The following LIMCH1 variants were observed in gnomAD, a reference collection of about 807,000 sequenced individuals.
The protein encoded by LIMCH1 is LIM and calponin homology domains-containing protein 1.
In LIMCH1, 113 loss-of-function variants were observed where a neutral mutation model predicts 176.5. The ratio of observed to expected loss-of-function variants is 0.64; its 90% CI spans 0.55 to 0.75. The LOEUF (loss-of-function observed/expected upper bound fraction) is 0.75. Ranked by LOEUF, LIMCH1 falls within the 30% of genes least tolerant of loss-of-function variation. The pLI is 0.00. For synonymous variants in LIMCH1, 619 were observed against 645.9 expected (o/e 0.96, Z 0.63); for missense variants, 1,674 against 1,814.9 (o/e 0.92, Z 1.41).
At chr4:41,449,598 A>G (rs942756617) in intron 1 of LIMCH1, among the ~76,000 whole-genome samples, 10 of 152,106 alleles carry the variant, frequency 6.6e-5, no homozygotes, top group Admixed American at 5.9e-4. Context: ...ACTTTCCCGC[A>G]TGTCTTCCTA....
intron 1 of LIMCH1, among the ~76,000 whole-genome samples, chr4:41,405,129 A>G (rs1034795498): frequency 2.6e-5 from 4 of 152,164 alleles, no homozygotes; most frequent in Non-Finnish European, 5.9e-5. Flanking sequence ...TCTTTACCGT[A>G]CTATCCACAT....
chr4:41,596,061 AT>A (rs59345246), intron 1 of LIMCH1, among the ~76,000 whole-genome samples: 25,097 of 135,910 alleles, frequency 0.18, 3,066 homozygotes, highest in African/African-American at 0.32. Context: ...AAAAAAAAAA[AT>A]AAAAAAGTTC....
intron 1 of LIMCH1, among the ~76,000 whole-genome samples, chr4:41,553,126 GAGATCTCTCGCAGTGATGGGC>G (rs1200535670): frequency 5.3e-5 from 8 of 152,260 alleles, no homozygotes; most frequent in African/African-American, 1.7e-4. Flanking sequence ...TGGTCTCTGC[GAGATCTCTCGCAGTGATGGGC>G]AGCTGTCTGA....
chr4:41,496,439 C>T (rs2072157792), intron 2 of LIMCH1, among the ~76,000 whole-genome samples: 1 of 152,178 alleles, frequency 6.6e-6, no homozygotes, highest in Non-Finnish European at 1.5e-5. Context: ...ACATAGGAGG[C>T]CAGAGGCAAG....
intron 15 of LIMCH1, 114 bp from the exon 16 acceptor site, chr4:41,646,009 T>C: frequency 9.4e-7 from 1 of 1,060,510 alleles, no homozygotes; most frequent in Non-Finnish European, 1.4e-6. Context: ...GATGTTATAG[T>C]GCCTGGGCCC....
chr4:41,599,630 G>T (rs1485982176), intron 2 of LIMCH1, among the ~76,000 whole-genome samples: 1 of 152,206 alleles, frequency 6.6e-6, no homozygotes. Flanking sequence ...TGTGACCAGG[G>T]TATGAGATGG....
At chr4:41,624,317 A>G (rs1270290923) in intron 7 of LIMCH1, among the ~76,000 whole-genome samples, 1 of 152,018 alleles carries the variant, frequency 6.6e-6, no homozygotes, top group Non-Finnish European at 1.5e-5. Context: ...GTGGGGGCGT[A>G]AAAAAACCTC....
At chr4:41,694,260 A>G (rs960479924) in intron 31 of LIMCH1, among the ~76,000 whole-genome samples, 1 of 152,192 alleles carries the variant, frequency 6.6e-6, no homozygotes, top group African/African-American at 2.4e-5. Flanking sequence ...AAAGTTACAG[A>G]TGCTATAATG....
At chr4:41,461,857 G>T (rs1037689241) in intron 1 of LIMCH1, among the ~76,000 whole-genome samples, 5 of 152,162 alleles carry the variant, frequency 3.3e-5, no homozygotes, top group African/African-American at 1.2e-4. Flanking sequence ...AGAGAAAAAT[G>T]CTCAGACCTA....
At chr4:41,402,665 T>C (rs1446756508) in intron 1 of LIMCH1, among the ~76,000 whole-genome samples, 6 of 144,146 alleles carry the variant, frequency 4.2e-5, no homozygotes, top group Non-Finnish European at 9.0e-5. Context: ...GATGAGTTCA[T>C]GTCCTTTGTA....
chr4:41,513,872 G>T (rs899620131), intron 2 of LIMCH1, among the ~76,000 whole-genome samples: 12 of 147,716 alleles, frequency 8.1e-5, no homozygotes, highest in Non-Finnish European at 1.2e-4. Flanking sequence ...CAGGTGTGGT[G>T]GTGCATGCCT....
chr4:41,606,403 C>T (rs2090718312), intron 4 of LIMCH1, among the ~76,000 whole-genome samples: 1 of 152,142 alleles, frequency 6.6e-6, no homozygotes, highest in Non-Finnish European at 1.5e-5. Flanking sequence ...TTTGCTTACC[C>T]ACTGGGGCCT....
intron 1 of LIMCH1, among the ~76,000 whole-genome samples, chr4:41,444,158 G>A (rs1056693099): frequency 3.9e-5 from 6 of 152,120 alleles, no homozygotes; most frequent in Admixed American, 2.0e-4. Context: ...AAGATGTAGA[G>A]ACTCATTTGG....
chr4:41,685,747 C>A lies in LIMCH1; in HGVS notation c.4005C>A (p.His1335Gln), dbSNP rs149115624. Residue 1335 changes from histidine (H) to glutamine (Q), a missense_variant, in exon 28 of 32, where the codon CAC (histidine) becomes CAA (glutamine). By Grantham distance (24) the His-to-Gln change is conservative (BLOSUM62 0). Coordinates refer to ENST00000503057, the MANE Select transcript of LIMCH1 (RefSeq NM_001330672.2). ...ATCAGCAGACATCAAATCCAACGCA[C>A]AGTTCAGAAGATGTGAAGCCAAAAA... ...SQNQQTSNPT[H>Q]SSEDVKPKTL... 73 of 1,613,632 alleles carry A rather than the reference C, an allele frequency of 4.5e-5. 1 individual carries two copies. The African/African-American group carries it at 9.2e-4, about 20-fold the overall frequency.
rs974697902 is a variant in LIMCH1 at position 41,633,828 on chromosome 4, C to A, written c.2090+20C>A. ...TCAGAGGTCAGAAAGTTATTCTGTG[C>A]CCTTGTGACTTTGTTTCTCCAGTCT... On this transcript the variant is annotated intron_variant, in intron 13 of 31. Coordinates refer to ENST00000503057, the MANE Select transcript of LIMCH1 (RefSeq NM_001330672.2). 2.0e-6 allele frequency: 3 copies of A among 1,531,064 alleles called. No individual in the cohort carries two copies. Among genetic ancestry groups the A allele is most frequent in the Non-Finnish European group, 2.6e-6 (3 of 1,143,032 alleles). The allele number at this position is 1,531,064 out of a possible 1,614,324, so 94.8% of individuals were successfully genotyped here.
chr4:41,449,049 C>T (rs980707730), intron 1 of LIMCH1, among the ~76,000 whole-genome samples: 8 of 152,180 alleles, frequency 5.3e-5, no homozygotes, highest in South Asian at 4.2e-4. Flanking sequence ...TTTCTCCACA[C>T]GCCCCTGTGA....
chr4:41,487,860 G>T (rs1313163819), intron 1 of LIMCH1, among the ~76,000 whole-genome samples: 2 of 150,554 alleles, frequency 1.3e-5, no homozygotes, highest in East Asian at 1.9e-4. Context: ...CACCGTGTTA[G>T]CCAGGATGGT....
chr4:41,679,366 T>TC (rs948355733), intron 23 of LIMCH1, among the ~76,000 whole-genome samples: 1 of 152,218 alleles, frequency 6.6e-6, no homozygotes, highest in South Asian at 2.1e-4. Context: ...TGTTCTTTTT[T>TC]CCCCCCAGAA....
At chr4:41,671,243 A>G (rs2095014251) in intron 21 of LIMCH1, among the ~76,000 whole-genome samples, 1 of 152,078 alleles carries the variant, frequency 6.6e-6, no homozygotes, top group Non-Finnish European at 1.5e-5. Flanking sequence ...ATCAGTACTA[A>G]TAGGAACAGT....
Sources: allele counts gnomAD v4.1 joint callset (sites outside exome capture counted in the v4.1 genomes callset), GRCh38; gene constraint gnomAD v4.1.1; transcripts MANE v1.5; gene names NCBI Gene and HGNC (gene_info 2026-07-23, HGNC 2026-07-21).